The following ANKFN1 variants were observed in gnomAD, a reference collection of about 807,000 sequenced individuals.
The protein encoded by ANKFN1 is ankyrin repeat and fibronectin type III domain containing 1.
ANKFN1 carries 74 observed loss-of-function variants against 108.7 expected under a neutral mutation model. The observed-to-expected ratio is 0.68, with a 90% CI of 0.56 to 0.83. The LOEUF is 0.83. ANKFN1 is among the 40% of genes least tolerant of loss of function. The pLI is 0.00. For synonymous variants in ANKFN1, 547 were observed against 516.2 expected (o/e 1.06, Z -0.81); for missense variants, 1,505 against 1,382.3 (o/e 1.09, Z -1.41).
rs899832205 is a variant in ANKFN1 at position 56,388,159 on chromosome 17, G to A, written c.910+13445G>A. Among the ~76,000 whole-genome samples the A allele has an allele frequency of 1.9e-4, 28 of 148,138 alleles. 1 individual carries two copies. The highest frequency in any genetic ancestry group is 1.8e-3 in the Admixed American group (27 of 14,776). ...TTTTCTTTCTTTCTTTTTTTTTTGA[G>A]ATGGAGTCTCACTCTGTCACCCAGG... On this transcript the variant is annotated intron_variant, in intron 8 of 20. Coordinates refer to ENST00000682825, the MANE Select transcript of ANKFN1 (RefSeq NM_001370326.1).
intron 11 of ANKFN1, among the ~76,000 whole-genome samples, chr17:56,456,302 C>T (rs922160026): frequency 6.6e-6 from 1 of 152,034 alleles, no homozygotes; most frequent in Non-Finnish European, 1.5e-5. Context: ...TACGTGGTCT[C>T]CTCTGCAGTT....
At chr17:56,226,575 T>C (rs1014433359) in intron 2 of ANKFN1, among the ~76,000 whole-genome samples, 2 of 152,142 alleles carry the variant, frequency 1.3e-5, no homozygotes, top group Non-Finnish European at 2.9e-5. Flanking sequence ...GGATATAGCT[T>C]TGACTGTCAC....
intron 5 of ANKFN1, among the ~76,000 whole-genome samples, chr17:56,353,417 T>C (rs1172608827): frequency 4.6e-5 from 7 of 151,922 alleles, no homozygotes; most frequent in African/African-American, 1.7e-4. Flanking sequence ...TTATATTTTT[T>C]GTAGAGATGG....
chr17:56,281,343 C>T (rs760958059), intron 3 of ANKFN1, among the ~76,000 whole-genome samples: 5 of 151,970 alleles, frequency 3.3e-5, no homozygotes, highest in Admixed American at 1.3e-4. Flanking sequence ...TCTAGAACAA[C>T]TAGATCATAA....
intron 8 of ANKFN1, among the ~76,000 whole-genome samples, chr17:56,387,671 AC>A (rs2144855264): frequency 6.6e-6 from 1 of 152,198 alleles, no homozygotes; most frequent in Admixed American, 6.5e-5. Context: ...TTGTTTAAGT[AC>A]CCTGGTTTTT....
upstream of ANKFN1, among the ~76,000 whole-genome samples, chr17:56,149,940 C>T (rs906480446): frequency 2.0e-5 from 3 of 152,230 alleles, no homozygotes; most frequent in Non-Finnish European, 4.4e-5. Flanking sequence ...CAAAGCCATG[C>T]TTTCTGAGGA....
chr17:56,358,235 A>C (rs1187458710), intron 6 of ANKFN1, among the ~76,000 whole-genome samples: 1 of 152,152 alleles, frequency 6.6e-6, no homozygotes, highest in Non-Finnish European at 1.5e-5. Flanking sequence ...TCTTTTCACT[A>C]TGCCAACCAA....
At chr17:56,346,526 G>A (rs2046104352) in intron 4 of ANKFN1, among the ~76,000 whole-genome samples, 1 of 151,974 alleles carries the variant, frequency 6.6e-6, no homozygotes, top group African/African-American at 2.4e-5. Flanking sequence ...TGGGAATAGG[G>A]CAAGTTAAAA....
chr17:56,142,101 T>A (rs968140976), intron 4 of ANKFN1, among the ~76,000 whole-genome samples: 1 of 151,926 alleles, frequency 6.6e-6, no homozygotes, highest in Non-Finnish European at 1.5e-5. Flanking sequence ...CAGCTAACTT[T>A]TGTATTTTTA....
chr17:56,392,415 C>A (rs59281572), intron 8 of ANKFN1, among the ~76,000 whole-genome samples: 9,648 of 152,242 alleles, frequency 0.063, 1,023 homozygotes, highest in African/African-American at 0.22. Context: ...CCATCTTCTG[C>A]TCTACCCCCA....
intron 4 of ANKFN1, among the ~76,000 whole-genome samples, chr17:56,065,028 G>A (rs764477913): frequency 3.9e-5 from 6 of 152,170 alleles, no homozygotes; most frequent in Admixed American, 6.5e-5. Flanking sequence ...CTTCCTCGCC[G>A]TGGATCACAG....
chr17:56,448,612 C>T (rs2049373997), intron 10 of ANKFN1, among the ~76,000 whole-genome samples: 1 of 151,938 alleles, frequency 6.6e-6, no homozygotes, highest in African/African-American at 2.4e-5. Context: ...TCAATTTGGC[C>T]AAAAGTGTGA....
chr17:56,183,579 T>C (rs1256391508), intron 1 of ANKFN1, among the ~76,000 whole-genome samples: 1 of 152,132 alleles, frequency 6.6e-6, no homozygotes, highest in Non-Finnish European at 1.5e-5. Context: ...TCTTGCTCCC[T>C]CTCTTGCCAT....
At chr17:56,481,449 C>A (rs1335631804) in intron 17 of ANKFN1, among the ~76,000 whole-genome samples, 1 of 151,552 alleles carries the variant, frequency 6.6e-6, no homozygotes, top group African/African-American at 2.4e-5. Flanking sequence ...ATTTTTTTGG[C>A]GGGGGGACCT....
chr17:56,206,585 AG>A (rs1274508296), intron 1 of ANKFN1: 1 of 152,226 alleles, frequency 6.6e-6, no homozygotes, highest in Non-Finnish European at 1.5e-5. Flanking sequence ...CTGGGTGAGA[AG>A]GGTTGGCAGA....
At chr17:56,366,425 A>G (rs2046663996) in intron 6 of ANKFN1, among the ~76,000 whole-genome samples, 1 of 152,194 alleles carries the variant, frequency 6.6e-6, no homozygotes, top group Admixed American at 6.6e-5. Flanking sequence ...CATTTAGTGT[A>G]GCTTAATTGT....
intron 6 of ANKFN1, among the ~76,000 whole-genome samples, chr17:56,365,764 G>C (rs1001242239): frequency 6.6e-6 from 1 of 152,148 alleles, no homozygotes; most frequent in African/African-American, 2.4e-5. Flanking sequence ...TGTTCATTGT[G>C]ATGCTGGTTT....
At chr17:56,459,596 A>T (rs2049834594) in intron 14 of ANKFN1, among the ~76,000 whole-genome samples, 1 of 151,904 alleles carries the variant, frequency 6.6e-6, no homozygotes, top group Admixed American at 6.6e-5. Flanking sequence ...AGAGGCTCAG[A>T]CTCCTTAGTG....
intron 4 of ANKFN1, among the ~76,000 whole-genome samples, chr17:56,136,472 C>G: frequency 6.6e-6 from 1 of 152,118 alleles, no homozygotes; most frequent in East Asian, 1.9e-4. Context: ...CTACACGTCA[C>G]AAAGACTGGG....
Sources: allele counts gnomAD v4.1 joint callset (sites outside exome capture counted in the v4.1 genomes callset), GRCh38; gene constraint gnomAD v4.1.1; transcripts MANE v1.5; gene names NCBI Gene and HGNC (gene_info 2026-07-23, HGNC 2026-07-21).